MTCL1: variants seen among roughly 807,000 people sequenced by gnomAD.
The protein encoded by MTCL1 is microtubule crosslinking factor 1.
Under a neutral mutation model 141.4 loss-of-function variants are expected in MTCL1, and 79 were observed. The ratio of observed to expected loss-of-function variants is 0.56; its 90% CI spans 0.47 to 0.67. The LOEUF (loss-of-function observed/expected upper bound fraction) is 0.67, where lower values mean the gene tolerates loss of function less well. MTCL1 is among the 30% of genes least tolerant of loss of function. The probability of loss-of-function intolerance (pLI) is 0.00; values close to 1 mark genes in which losing one functional copy is unlikely to be tolerated. For missense variants in MTCL1, 2,177 were observed against 2,113.9 expected (o/e 1.03, Z -0.59); for synonymous variants, 914 against 875.8 (o/e 1.04, Z -0.77).
chr18:8,796,312 G>A (rs879581529), exon 9 of MTCL1: 2 of 1,614,194 alleles, frequency 1.2e-6, no homozygotes, highest in African/African-American at 1.3e-5. Context: ...CCCTCCATGA[G>A]CGAACCTGGA....
chr18:8,751,586 G>C (rs2096371503), intron 4 of MTCL1, among the ~76,000 whole-genome samples: 1 of 152,154 alleles, frequency 6.6e-6, no homozygotes, highest in Admixed American at 6.5e-5. Flanking sequence ...TTGGTTTTGA[G>C]GGTTTTAGCT....
intron 4 of MTCL1, among the ~76,000 whole-genome samples, chr18:8,739,876 C>T (rs1267537503): frequency 6.6e-5 from 10 of 152,082 alleles, no homozygotes; most frequent in East Asian, 3.9e-4. Flanking sequence ...GGACTAAAGG[C>T]GCACGCCACC....
intron 7 of MTCL1, 27 bp downstream of exon 6, chr18:8,786,118 C>CCCCCCCA: frequency 7.1e-7 from 1 of 1,400,604 alleles, no homozygotes; most frequent in Non-Finnish European, 9.4e-7. Flanking sequence ...AATCCCCCCC[C>CCCCCCCA]CCCGCCCTCC....
intron 5 of MTCL1, among the ~76,000 whole-genome samples, chr18:8,778,133 G>A (rs1221550654): frequency 6.6e-6 from 1 of 152,186 alleles, no homozygotes; most frequent in Non-Finnish European, 1.5e-5. Context: ...AAAAGAACTG[G>A]CTTTGTGTAA....
chr18:8,746,870 A>C (rs563637843), intron 4 of MTCL1, among the ~76,000 whole-genome samples: 4 of 152,172 alleles, frequency 2.6e-5, no homozygotes, highest in Non-Finnish European at 5.9e-5. Flanking sequence ...AATAAATGCA[A>C]AAAGGGTGGT....
In MTCL1 at chr18:8,706,265, G is replaced by C. The variant is rs1434391608; in HGVS notation, c.605G>C (p.Arg202Pro). The C allele has an allele frequency of 2.4e-6, 3 of 1,229,082 alleles. No individual in the cohort carries two copies. The African/African-American group carries it at 4.7e-5, about 19-fold the overall frequency. The allele number at this position is 1,229,082 out of a possible 1,614,324, so 76.1% of individuals were successfully genotyped here. Residue 202 changes from arginine (R) to proline (P), a missense_variant, in exon 1 of 14, where the codon CGC becomes CCC. Physicochemically the swap from Arg to Pro is moderately radical, Grantham distance 103 (BLOSUM62 -2). Transcript: ENST00000306329. ...GCCGGGTCCCCGGCCCGCTGCTCGCGCATCAGCCACACGGACAGCAGCTCC... is the reference window on the plus strand; with the variant it reads ...GCCGGGTCCCCGGCCCGCTGCTCGCCCATCAGCCACACGGACAGCAGCTCC...
exon 11 of MTCL1, chr18:8,807,040 C>T (rs2076323110): frequency 1.9e-6 from 3 of 1,613,386 alleles, no homozygotes; most frequent in Non-Finnish European, 2.5e-6. Context: ...GTGGGCCGTG[C>T]TCAAGTGCCG....
At chr18:8,706,635 T>C (rs1232002706) in exon 1 of MTCL1, 1 of 1,546,356 alleles carries the variant, frequency 6.5e-7, no homozygotes, top group Non-Finnish European at 8.7e-7. Context: ...GCGAGCAGTC[T>C]CGGCTCGTGC....
At chr18:8,712,535 T>C (rs1447118154), upstream of MTCL1, among the ~76,000 whole-genome samples, 4 of 152,248 alleles carry the variant, frequency 2.6e-5, no homozygotes, top group Non-Finnish European at 5.9e-5. Context: ...TCCTCCTCCT[T>C]TCTCTTTCAG....
chr18:8,821,568 C>A, intron 14 of MTCL1, 70 bp downstream of exon 13: 1 of 827,838 alleles, frequency 1.2e-6, no homozygotes. Context: ...GTTGTTTTGT[C>A]AATGCAGTCT....
At chr18:8,777,306 C>G (rs2096515097) in intron 4 of MTCL1, among the ~76,000 whole-genome samples, 2 of 152,340 alleles carry the variant, frequency 1.3e-5, no homozygotes, top group South Asian at 2.1e-4. Flanking sequence ...GTTGTTCAGG[C>G]TGGTCTCAAA....
intron 7 of MTCL1, 23 bp downstream of exon 6, chr18:8,786,114 C>CCT: frequency 7.2e-7 from 1 of 1,387,386 alleles, no homozygotes; most frequent in South Asian, 1.3e-5. Flanking sequence ...AAGCAATCCC[C>CCT]CCCCCCCGCC....
chr18:8,756,495 A>G (rs945198257), intron 4 of MTCL1, among the ~76,000 whole-genome samples: 19 of 146,806 alleles, frequency 1.3e-4, no homozygotes, highest in Non-Finnish European at 1.9e-4. Flanking sequence ...GTATATATGT[A>G]TATATGTGTG....
intron 9 of MTCL1, 126 bp from the exon 9 acceptor site, chr18:8,797,971 T>A: frequency 1.1e-6 from 1 of 904,768 alleles, no homozygotes; most frequent in Non-Finnish European, 1.6e-6. Flanking sequence ...ATTTTAGGGG[T>A]AAGGACTGAG....
rs1164786209 is a variant in MTCL1, at chr18:8,784,178, C to G, written c.1066C>G (p.Gln356Glu). Reference sequence around the variant, plus strand: ...GCTCAGCGGCAAGGTGCTCAAACTGCAGCACGAGAACCACGCGCTGCTGTC... The same window carrying G: ...GCTCAGCGGCAAGGTGCTCAAACTGGAGCACGAGAACCACGCGCTGCTGTC... The change falls in exon 6 of 17, where the codon CAG (glutamine) becomes GAG (glutamate). Residue 356 changes from glutamine (Q) to glutamate (E), a missense_variant. Coordinates refer to ENST00000359865, the Ensembl canonical transcript of MTCL1. The G allele has an allele frequency of 6.2e-6, 10 of 1,613,750 alleles. No homozygotes were observed. In the Admixed American group the frequency reaches 1.7e-4, roughly 27 times the overall value.
intron 16 of MTCL1, 43 bp from the exon 15 acceptor site, chr18:8,831,564 C>T (rs1279299714): frequency 2.6e-6 from 4 of 1,541,072 alleles, no homozygotes; most frequent in Non-Finnish European, 3.5e-6. Context: ...ACTGGTGACA[C>T]TGCCGGTCTG....
At chr18:8,757,883 C>T (rs2096410120) in intron 4 of MTCL1, among the ~76,000 whole-genome samples, 1 of 152,138 alleles carries the variant, frequency 6.6e-6, no homozygotes, top group East Asian at 1.9e-4. Flanking sequence ...GTTTTAGAAC[C>T]TTGGATTTGG....
At chr18:8,831,522 T>G in intron 16 of MTCL1, 85 bp from the exon 15 acceptor site, 1 of 1,506,884 alleles carries the variant, frequency 6.6e-7, no homozygotes, top group Non-Finnish European at 8.9e-7. Context: ...CTCACTTGAG[T>G]CTGTTGAGAA....
chr18:8,768,916 C>T (rs370564815), intron 4 of MTCL1, among the ~76,000 whole-genome samples: 6 of 151,574 alleles, frequency 4.0e-5, no homozygotes, highest in African/African-American at 1.5e-4. Flanking sequence ...CTCAGCCTGC[C>T]GAGTAGCTGG....
Sources: gnomAD v4.1 joint callset for allele counts (sites outside exome capture counted in the v4.1 genomes callset) on GRCh38, gnomAD v4.1.1 for gene constraint, MANE v1.5 for transcripts, NCBI Gene and HGNC (gene_info 2026-07-23, HGNC 2026-07-21) for gene names.